Variants in NPAS3 observed in about 807,000 individuals in gnomAD.
NPAS3 encodes the protein neuronal PAS domain protein 3.
In NPAS3, 14 loss-of-function variants were observed where a neutral mutation model predicts 73.1. The observed-to-expected ratio is 0.19, with a 90% CI of 0.13 to 0.30. The LOEUF (loss-of-function observed/expected upper bound fraction) is 0.30, where lower values mean the gene tolerates loss of function less well. Ranked by LOEUF, NPAS3 falls within the 10% of genes least tolerant of loss-of-function variation. NPAS3 has a pLI of 1.00. For synonymous variants in NPAS3, 620 were observed against 541.5 expected (o/e 1.14, Z -2.01); for missense variants, 1,096 against 1,250.0 (o/e 0.88, Z 1.86).
chr14:33,757,225 A>G (rs973083321), intron 7 of NPAS3, among the ~76,000 whole-genome samples: 3 of 152,212 alleles, frequency 2.0e-5, no homozygotes, highest in African/African-American at 4.8e-5. Context: ...TCCAGAATCA[A>G]TCAAGGCTCT....
At position 33,728,601 on chromosome 14, in the gene NPAS3, A is replaced by G. The variant is rs1595512606; in HGVS notation, c.734-6613A>G. On this transcript the variant is annotated intron_variant, in intron 6 of 11. Coordinates refer to ENST00000356141, the Ensembl canonical transcript of NPAS3. The stretch of plus-strand genomic sequence containing the variant: ...GGTGGTACAACTTGTGACTGCAGAA[A>G]ATGGAAGGCACTGCCTCGCCACCAG... Among the ~76,000 whole-genome samples, 6 of 152,184 alleles carry G rather than the reference A, an allele frequency of 3.9e-5. No individual in the cohort carries two copies. The East Asian group carries it at 1.2e-3, about 29-fold the overall frequency.
chr14:33,427,548 A>G (rs17101087), intron 4 of NPAS3, among the ~76,000 whole-genome samples: 169 of 151,930 alleles, frequency 1.1e-3, no homozygotes, highest in African/African-American at 3.7e-3. Flanking sequence ...ACTAAGGAAC[A>G]GTGAGATGCC....
chr14:33,506,634 T>C (rs2052777248), intron 4 of NPAS3, among the ~76,000 whole-genome samples: 1 of 152,072 alleles, frequency 6.6e-6, no homozygotes, highest in South Asian at 2.1e-4. Context: ...TAAGAGATCT[T>C]TGTAGACAAT....
chr14:32,972,971 A>T (rs547397208), intron 1 of NPAS3, among the ~76,000 whole-genome samples: 1 of 152,350 alleles, frequency 6.6e-6, no homozygotes, highest in Non-Finnish European at 1.5e-5. Context: ...TTTACAAGGT[A>T]GATACTGCTG....
At chr14:33,314,063 T>C (rs554739097) in intron 3 of NPAS3, among the ~76,000 whole-genome samples, 4 of 152,180 alleles carry the variant, frequency 2.6e-5, no homozygotes, top group African/African-American at 9.6e-5. Context: ...TTTCAAGATA[T>C]TATGTATGGT....
At chr14:33,651,055 G>A (rs954345272) in intron 5 of NPAS3, among the ~76,000 whole-genome samples, 3 of 152,176 alleles carry the variant, frequency 2.0e-5, no homozygotes, top group African/African-American at 7.2e-5. Context: ...CAAAGACTGC[G>A]GTCATCCCCT....
At chr14:33,353,560 T>C (rs1015064911) in intron 3 of NPAS3, among the ~76,000 whole-genome samples, 1 of 152,202 alleles carries the variant, frequency 6.6e-6, no homozygotes, top group Non-Finnish European at 1.5e-5. Flanking sequence ...ATTGGTAGCA[T>C]GAAGTAAGTA....
chr14:33,177,161 G>C (rs1446049473), intron 2 of NPAS3, among the ~76,000 whole-genome samples: 2 of 150,144 alleles, frequency 1.3e-5, no homozygotes, highest in Non-Finnish European at 3.0e-5. Context: ...CAGTGGCGCA[G>C]TCTCGACTCG....
rs555254537 is a variant in NPAS3 at position 33,463,319 on chromosome 14, G to A, written c.468+96051G>A. Among the ~76,000 whole-genome samples, 75 of 152,154 alleles carry A rather than the reference G, an allele frequency of 4.9e-4. No homozygotes were observed. The South Asian group carries it at 0.014, about 28-fold the overall frequency. On this transcript the variant is annotated intron_variant, in intron 4 of 11. Coordinates refer to ENST00000356141, the Ensembl canonical transcript of NPAS3. ...CTTTGGGAAAAGAGATTATATATTT[G>A]TATCACCTCAAATCTTGCAAATTTG...
At position 32,946,342 on chromosome 14, in the gene NPAS3, A is replaced by ACACT. The variant is rs2036250968; in HGVS notation, c.50+6979_50+6980insTCAC. ...ACTCCCCCATCCCCCCAACACACAC[A>ACACT]CACGCGCACACACACACACACACAC... On this transcript the variant is annotated intron_variant, in intron 1 of 11. Transcript: ENST00000356141. Among the ~76,000 whole-genome samples, 2 of 89,382 alleles carry ACACT rather than the reference A, an allele frequency of 2.2e-5. 1 individual carries two copies. The highest frequency in any genetic ancestry group is 5.0e-5 in the Non-Finnish European group (2 of 39,684). 58.6% of individuals were successfully genotyped at this position (89,382 alleles called of 152,430 possible).
intron 5 of NPAS3, among the ~76,000 whole-genome samples, chr14:33,582,970 G>GTTTTTT (rs55885070): frequency 3.2e-5 from 3 of 93,304 alleles, no homozygotes; most frequent in African/African-American, 7.8e-5. Context: ...TATTTAAAGG[G>GTTTTTT]TTTTTTTTTT....
intron 1 of NPAS3, among the ~76,000 whole-genome samples, chr14:32,966,911 A>G (rs2037196122): frequency 6.6e-6 from 1 of 152,228 alleles, no homozygotes; most frequent in African/African-American, 2.4e-5. Flanking sequence ...CAACAAAAGC[A>G]AAAATAGACA....
intron 3 of NPAS3, among the ~76,000 whole-genome samples, chr14:33,314,573 A>G (rs973888084): frequency 3.4e-4 from 51 of 152,080 alleles, no homozygotes; most frequent in Admixed American, 9.2e-4. Flanking sequence ...CTCTGAATAC[A>G]TGGGAAAAAA....
At chr14:33,066,622 G>C (rs1044329514) in intron 2 of NPAS3, among the ~76,000 whole-genome samples, 2 of 152,130 alleles carry the variant, frequency 1.3e-5, no homozygotes, top group African/African-American at 4.8e-5. Flanking sequence ...GGAGAAATTT[G>C]CAGGACATAA....
intron 4 of NPAS3, among the ~76,000 whole-genome samples, chr14:33,520,624 C>T (rs1008575231): frequency 2.6e-5 from 4 of 152,082 alleles, no homozygotes; most frequent in African/African-American, 9.7e-5. Context: ...TCAATTATGA[C>T]AACAGTTAAA....
chr14:33,618,822 T>G (rs1272630033), intron 5 of NPAS3, among the ~76,000 whole-genome samples: 1 of 152,220 alleles, frequency 6.6e-6, no homozygotes, highest in South Asian at 2.1e-4. Flanking sequence ...AGTTTTCTAG[T>G]AAGTGCAACT....
At chr14:33,048,194 A>G (rs1362709162) in intron 1 of NPAS3, among the ~76,000 whole-genome samples, 1 of 152,210 alleles carries the variant, frequency 6.6e-6, no homozygotes, top group Non-Finnish European at 1.5e-5. Context: ...ATGCATGGCT[A>G]CTGTGCAGAT....
intron 5 of NPAS3, among the ~76,000 whole-genome samples, chr14:33,597,134 C>G (rs1278030388): frequency 6.6e-6 from 1 of 152,190 alleles, no homozygotes; most frequent in African/African-American, 2.4e-5. Flanking sequence ...TCACTTATTC[C>G]AAACAGGTCT....
intron 4 of NPAS3, among the ~76,000 whole-genome samples, chr14:33,439,514 G>A (rs1053141325): frequency 1.9e-4 from 29 of 152,196 alleles, no homozygotes; most frequent in African/African-American, 6.3e-4. Context: ...ATTTGGAATT[G>A]TGGCCATACC....
Sources: gnomAD v4.1 joint callset for allele counts (sites outside exome capture counted in the v4.1 genomes callset) on GRCh38, gnomAD v4.1.1 for gene constraint, MANE v1.5 for transcripts, NCBI Gene and HGNC (gene_info 2026-07-23, HGNC 2026-07-21) for gene names.